PLEKHM1: variants seen among roughly 807,000 people sequenced by gnomAD.
The protein encoded by PLEKHM1 is pleckstrin homology domain-containing family M member 1.
In PLEKHM1, 28 loss-of-function variants were observed where a neutral mutation model predicts 94.3. The observed-to-expected ratio is 0.30, with a 90% confidence interval of 0.22 to 0.41. PLEKHM1 has a LOEUF of 0.41. Among genes scored for constraint, PLEKHM1 ranks in the 10% least tolerant of loss-of-function variants. The pLI is 1.00. For synonymous variants in PLEKHM1, 424 were observed against 581.2 expected (o/e 0.73, Z 3.89); for missense variants, 907 against 1,358.6 (o/e 0.67, Z 5.22).
chr17:45,475,663 T>C lies in PLEKHM1; in HGVS notation c.360A>G (p.Ala120=), dbSNP rs201970508. Residue 120 remains alanine (A), a synonymous_variant, in exon 4 of 12, where the codon GCA becomes GCG. Coordinates refer to ENST00000430334, the MANE Select transcript of PLEKHM1 (RefSeq NM_014798.3). ...CATCGTTCAGGGCCAGCCGCAGCCA[T>C]GCCCGGCAGCGGCCCACATCCGTGT... The part of the protein sequence containing the change: ...FVNTDVGRCR[A]WLRLALNDGL... 106 of 1,613,886 alleles carry C rather than the reference T, an allele frequency of 6.6e-5. No individual in the cohort carries two copies. In the East Asian group the frequency reaches 1.2e-3, roughly 19 times the overall value.
At chr17:45,459,907 C>T (rs1432712637) in intron 5 of PLEKHM1, 1 of 149,616 alleles carries the variant, frequency 6.7e-6, no homozygotes, top group Non-Finnish European at 1.5e-5. Context: ...ACCCTACCCC[C>T]CAGTACCTCA....
chr17:45,449,139 A>G (rs1422218462), intron 8 of PLEKHM1, among the ~76,000 whole-genome samples: 1 of 151,936 alleles, frequency 6.6e-6, no homozygotes, highest in Non-Finnish European at 1.5e-5. Context: ...TGAAATAAAT[A>G]AGCCCATGTA....
chr17:45,486,240 A>AAAAAAAAAT (rs1555588810), intron 1 of PLEKHM1, among the ~76,000 whole-genome samples: 40 of 142,896 alleles, frequency 2.8e-4, no homozygotes, highest in Non-Finnish European at 4.5e-4. Flanking sequence ...TAAAATAAAA[A>AAAAAAAAAT]AATAATAATA....
At chr17:45,461,953 CTAAG>C (rs1372427174) in intron 5 of PLEKHM1, among the ~76,000 whole-genome samples, 1 of 152,148 alleles carries the variant, frequency 6.6e-6, no homozygotes, top group African/African-American at 2.4e-5. Flanking sequence ...CTGGGCCACT[CTAAG>C]TGGCTGTGTA....
In PLEKHM1 at chr17:45,454,594, G is replaced by A. The variant is rs569015299; in HGVS notation, c.1580-322C>T. Reference sequence around the variant, plus strand: ...ATGAACCAAGTGTGCTTCTTTCTGCGTGAGGCCAAACCCTCCATTTGTGCA... The same window carrying A: ...ATGAACCAAGTGTGCTTCTTTCTGCATGAGGCCAAACCCTCCATTTGTGCA... On this transcript the variant is annotated intron_variant, in intron 6 of 11. Coordinates refer to ENST00000430334, the MANE Select transcript of PLEKHM1 (RefSeq NM_014798.3). 4.1e-5 allele frequency: 22 copies of A among 538,440 alleles called. No individual in the cohort carries two copies. In the East Asian group the frequency reaches 5.9e-4, roughly 14 times the overall value. The allele number at this position is 538,440 out of a possible 1,614,324, so 33.4% of individuals were successfully genotyped here.
Position 45,453,996 on chromosome 17 carries a change from C to T in PLEKHM1, c.1856G>A (p.Arg619Gln), listed in dbSNP as rs769667409. 1.1e-5 allele frequency: 18 copies of T among 1,613,926 alleles called. No homozygotes were observed. The highest frequency in any genetic ancestry group is 5.0e-5 in the Admixed American group (3 of 60,012). Reference sequence around the variant, plus strand: ...GACCTTCTGCAGGGCCTCCCGCACCCGGTCCAGCCAGTCCTCAGCTTCGTC... The same window carrying T: ...GACCTTCTGCAGGGCCTCCCGCACCTGGTCCAGCCAGTCCTCAGCTTCGTC... The part of the protein sequence containing the change: ...SQDEAEDWLD[R>Q]VREALQKVRP... Residue 619 changes from arginine (R) to glutamine (Q), a missense_variant, in exon 7 of 12, where the codon CGG becomes CAG. Arg to Gln is a conservative substitution (Grantham distance 43). Coordinates refer to ENST00000430334, the MANE Select transcript of PLEKHM1 (RefSeq NM_014798.3). The surrounding 1 kb of genome is among the most constrained non-coding windows in gnomAD (Gnocchi z 4.1).
intron 4 of PLEKHM1, among the ~76,000 whole-genome samples, chr17:45,474,346 C>T (rs2051632935): frequency 6.6e-6 from 1 of 151,728 alleles, no homozygotes; most frequent in Non-Finnish European, 1.5e-5. Flanking sequence ...CGTGAGCCAC[C>T]GTGCCCAGCT....
Position 45,439,670 on chromosome 17 carries a change from G to A in PLEKHM1, c.2902-36C>T, listed in dbSNP as rs568482976. ...CAAGTAGGAATCCTTCATACACCCC[G>A]TCTGCGATCTGCGGAGGGCTGGTAA... On this transcript the variant is annotated intron_variant, in intron 10 of 11. Transcript: ENST00000430334. 485 of 1,611,390 alleles carry A rather than the reference G, an allele frequency of 3.0e-4. 6 individuals carry two copies. The South Asian group carries it at 5.0e-3, about 17-fold the overall frequency.
intron 11 of PLEKHM1, among the ~76,000 whole-genome samples, chr17:45,439,201 C>T (rs767717994): frequency 5.9e-5 from 9 of 152,318 alleles, no homozygotes; most frequent in African/African-American, 1.2e-4. Flanking sequence ...CTCAGAGAGC[C>T]GGCAGCCACC....
chr17:45,454,621 G>A, intron 6 of PLEKHM1: 1 of 491,636 alleles, frequency 2.0e-6, no homozygotes, highest in Non-Finnish European at 3.7e-6. Context: ...ATTTGTGCAG[G>A]AGGTCTCTCC....
chr17:45,485,636 ACCTGTAATCC>A (rs1368030502), intron 1 of PLEKHM1, among the ~76,000 whole-genome samples: 1 of 151,610 alleles, frequency 6.6e-6, no homozygotes, highest in Non-Finnish European at 1.5e-5. Flanking sequence ...CGTGGCCCAC[ACCTGTAATCC>A]CAGCACTTTG....
At position 45,453,359 on chromosome 17, in the gene PLEKHM1, G is replaced by A. The variant is rs140596341; in HGVS notation, c.2493C>T (p.Cys831=). The A allele has an allele frequency of 4.3e-6, 7 of 1,612,802 alleles. No individual in the cohort carries two copies. Among genetic ancestry groups the A allele is most frequent in the Non-Finnish European group, 5.9e-6 (7 of 1,179,344 alleles). The change falls in exon 7 of 12, where the codon TGC becomes TGT. Residue 831 remains cysteine (C), a synonymous_variant. Coordinates refer to ENST00000430334, the MANE Select transcript of PLEKHM1 (RefSeq NM_014798.3). The surrounding 1 kb of genome is among the most constrained non-coding windows in gnomAD (Gnocchi z 4.1). ...EKGLDSQGCF[C]AGCSRQIGFS... ...GGCAGCAGAGCAAATCGGCACCTGC[G>A]CAGAAGCAGCCTTGGGAGTCAAGGC...
chr17:45,484,143 A>G (rs1172394984), intron 1 of PLEKHM1, among the ~76,000 whole-genome samples: 1 of 152,188 alleles, frequency 6.6e-6, no homozygotes, highest in Non-Finnish European at 1.5e-5. Context: ...CTAACATCAC[A>G]TGGGAGATAA....
At chr17:45,490,378 G>A (rs890294990) in intron 1 of PLEKHM1, among the ~76,000 whole-genome samples, 1 of 152,088 alleles carries the variant, frequency 6.6e-6, no homozygotes, top group African/African-American at 2.4e-5. Flanking sequence ...CACGAGTGAA[G>A]CTGCATTTAA....
rs1256204552 is a variant in PLEKHM1 at position 45,444,531 on chromosome 17, G to C, written c.2837+939C>G. On this transcript the variant is annotated intron_variant, in intron 9 of 11. Transcript: ENST00000430334. The surrounding 1 kb of genome is among the most constrained non-coding windows in gnomAD (Gnocchi z 5.0). ...CGTCTTCTTTGGAGAATTTCAGGAG[G>C]GAGGCTGGCATGGGCCAGACGACTG... Among the ~76,000 whole-genome samples, 3 of 152,290 alleles carry C rather than the reference G, an allele frequency of 2.0e-5. No individual in the cohort carries two copies. The highest frequency in any genetic ancestry group is 4.1e-4 in the South Asian group (2 of 4,820).
Position 45,453,497 on chromosome 17 carries a change from C to G in PLEKHM1, c.2355G>C (p.Glu785Asp), listed in dbSNP as rs376490625. 2 of 1,609,354 alleles carry G rather than the reference C, an allele frequency of 1.2e-6. No homozygotes were observed. Among genetic ancestry groups the G allele is most frequent in the African/African-American group, 2.7e-5 (2 of 74,664 alleles). Residue 785 changes from glutamate (E) to aspartate (D), a missense_variant, in exon 7 of 12, where the codon GAG (glutamate) becomes GAC (aspartate). By Grantham distance (45) the Glu-to-Asp change is conservative. Coordinates refer to ENST00000430334, the MANE Select transcript of PLEKHM1 (RefSeq NM_014798.3). This position sits in a 1 kb window ranked among gnomAD's most constrained non-coding sequence, Gnocchi z 4.1. ...VLASYLETAE[E>D]AVTLGGSLDE... ...CCAGGCTCCCGCCCAGGGTCACCGC[C>G]TCCTCGGCTGTCTCCAAGTAGGATG...
At position 45,456,858 on chromosome 17, in the gene PLEKHM1, G is replaced by A. The variant is rs139101095; in HGVS notation, c.1579+1311C>T. ...ATTTAAGGCTTTCTGGAATTTCAGT[G>A]TGTGGAGATCAAGCTGACCTTGCTG... On this transcript the variant is annotated intron_variant, in intron 6 of 11. Coordinates refer to ENST00000430334, the MANE Select transcript of PLEKHM1 (RefSeq NM_014798.3). 4.6e-5 allele frequency among the ~76,000 whole-genome samples: 7 copies of A among 152,342 alleles called. No homozygotes were observed. The East Asian group carries it at 1.3e-3, about 29-fold the overall frequency.
intron 5 of PLEKHM1, among the ~76,000 whole-genome samples, chr17:45,458,717 C>T (rs1312421692): frequency 1.3e-5 from 2 of 150,818 alleles, no homozygotes; most frequent in African/African-American, 2.4e-5. Flanking sequence ...GTGAGCCACC[C>T]ACCTCGGCCT....
intron 4 of PLEKHM1, among the ~76,000 whole-genome samples, chr17:45,472,038 T>A (rs1289171851): frequency 6.6e-6 from 1 of 152,254 alleles, no homozygotes; most frequent in East Asian, 1.9e-4. Context: ...TCTTTTATGC[T>A]TTTCTTTATG....
Sources: allele counts gnomAD v4.1 joint callset (sites outside exome capture counted in the v4.1 genomes callset), GRCh38; gene constraint gnomAD v4.1.1; non-coding constraint Gnocchi (gnomAD v3.1); transcripts MANE v1.5; gene names NCBI Gene and HGNC (gene_info 2026-07-23, HGNC 2026-07-21).